ASIC2: variants seen among roughly 807,000 people sequenced by gnomAD.
The protein encoded by ASIC2 is acid-sensing ion channel 2.
A neutral mutation model predicts 57.3 loss-of-function variants in ASIC2; 25 were observed. The observed-to-expected ratio is 0.44, with a 90% CI of 0.32 to 0.61. The LOEUF is 0.61. Ranked by LOEUF, ASIC2 falls within the 20% of genes least tolerant of loss-of-function variation. The pLI, the probability that ASIC2 is intolerant of heterozygous loss-of-function variation, is 0.06. For missense variants in ASIC2, 641 were observed against 738.1 expected (o/e 0.87, Z 1.52); for synonymous variants, 319 against 307.5 (o/e 1.04, Z -0.39).
chr17:33,374,335 C>A (rs1343569839), intron 1 of ASIC2, among the ~76,000 whole-genome samples: 2 of 152,126 alleles, frequency 1.3e-5, no homozygotes, highest in Non-Finnish European at 2.9e-5. Flanking sequence ...ATTTTGGCAA[C>A]TGTCTGACCT....
intron 1 of ASIC2, among the ~76,000 whole-genome samples, chr17:34,028,177 C>T (rs1490459522): frequency 1.3e-5 from 2 of 151,924 alleles, no homozygotes; most frequent in South Asian, 2.1e-4. Context: ...TCCATTGCCC[C>T]CCAGCCTTAG....
chr17:33,496,542 C>A (rs1913935913), intron 1 of ASIC2, among the ~76,000 whole-genome samples: 1 of 148,490 alleles, frequency 6.7e-6, no homozygotes, highest in African/African-American at 2.5e-5. Flanking sequence ...ACCTTCTGAG[C>A]AGCTTCCAGT....
intron 1 of ASIC2, among the ~76,000 whole-genome samples, chr17:33,480,206 G>A (rs1597744754): frequency 1.3e-5 from 2 of 152,352 alleles, no homozygotes; most frequent in Middle Eastern, 3.4e-3. Flanking sequence ...AAGGACAAAA[G>A]TGTCATGGTT....
At chr17:34,024,326 A>C (rs1177332674) in intron 1 of ASIC2, among the ~76,000 whole-genome samples, 1 of 152,216 alleles carries the variant, frequency 6.6e-6, no homozygotes, top group African/African-American at 2.4e-5. Context: ...AGAAAGGGTT[A>C]ATTTCAGATC....
intron 3 of ASIC2, among the ~76,000 whole-genome samples, chr17:33,086,327 A>G (rs2092133744): frequency 6.6e-6 from 1 of 152,248 alleles, no homozygotes; most frequent in Non-Finnish European, 1.5e-5. Flanking sequence ...GCTGCTAATA[A>G]CAATGTAGAT....
At chr17:33,945,978 T>C (rs545082933) in intron 1 of ASIC2, among the ~76,000 whole-genome samples, 1 of 152,256 alleles carries the variant, frequency 6.6e-6, no homozygotes, top group South Asian at 2.1e-4. Context: ...TTAGGAGGCA[T>C]CCTCCAGCAT....
At chr17:33,731,514 A>C (rs1909741666) in intron 1 of ASIC2, among the ~76,000 whole-genome samples, 1 of 152,204 alleles carries the variant, frequency 6.6e-6, no homozygotes, top group African/African-American at 2.4e-5. Context: ...TGCTGCCTCC[A>C]TCTATGCTAG....
chr17:33,665,553 A>G (rs1211543040), intron 1 of ASIC2, among the ~76,000 whole-genome samples: 1 of 152,236 alleles, frequency 6.6e-6, no homozygotes, highest in East Asian at 1.9e-4. Flanking sequence ...CAAGGTTTCA[A>G]TGCAAAGCAA....
intron 1 of ASIC2, among the ~76,000 whole-genome samples, chr17:34,115,965 A>G (rs1911413607): frequency 1.3e-5 from 2 of 152,316 alleles, no homozygotes; most frequent in African/African-American, 4.8e-5. Context: ...TGAAGCCCCA[A>G]ACTAGAGACA....
chr17:33,533,880 C>T (rs1336894578), intron 1 of ASIC2: 1 of 152,166 alleles, frequency 6.6e-6, no homozygotes, highest in Admixed American at 6.5e-5. Context: ...TTTGTGGCCA[C>T]AAGGTCACAA....
At chr17:33,642,635 A>T (rs1906612910) in intron 1 of ASIC2, among the ~76,000 whole-genome samples, 1 of 152,200 alleles carries the variant, frequency 6.6e-6, no homozygotes, top group South Asian at 2.1e-4. Flanking sequence ...AGAAGTCAGG[A>T]TATCCCTTGC....
At chr17:33,510,252 CCAGA>C (rs1329764044) in intron 1 of ASIC2, among the ~76,000 whole-genome samples, 3 of 152,114 alleles carry the variant, frequency 2.0e-5, no homozygotes, top group African/African-American at 7.2e-5. Flanking sequence ...CATTTAGTTC[CCAGA>C]CAGATTCATC....
At chr17:33,977,197 A>G (rs948445557) in intron 1 of ASIC2, among the ~76,000 whole-genome samples, 1 of 151,898 alleles carries the variant, frequency 6.6e-6, no homozygotes, top group African/African-American at 2.4e-5. Flanking sequence ...TTTCCTATGG[A>G]CTGCTCTGCC....
intron 1 of ASIC2, among the ~76,000 whole-genome samples, chr17:33,427,888 T>C (rs905717625): frequency 4.6e-5 from 7 of 152,220 alleles, no homozygotes; most frequent in African/African-American, 1.7e-4. Flanking sequence ...GGCTGGGCCA[T>C]AAAACACACC....
intron 1 of ASIC2, among the ~76,000 whole-genome samples, chr17:33,708,513 A>G (rs1908928965): frequency 6.6e-6 from 1 of 152,174 alleles, no homozygotes; most frequent in African/African-American, 2.4e-5. Context: ...CACATTTTAC[A>G]AGAGCCTGTC....
chr17:33,794,449 T>G (rs544996951), intron 1 of ASIC2: 2 of 152,250 alleles, frequency 1.3e-5, no homozygotes, highest in African/African-American at 4.8e-5. Context: ...CTGGGAACCA[T>G]TGGTGAATGG....
At position 33,640,252 on chromosome 17, in the gene ASIC2, GT is replaced by G. The variant is rs1906517041; in HGVS notation, c.555+515725del. ...AAAAGCTGCCATGGGGGCTGAGGGA[GT>G]TTTGGGGGTGCAAGATATCTAGAAA... On this transcript the variant is annotated intron_variant, in intron 1 of 9. Transcript: ENST00000359872. Among the ~76,000 whole-genome samples the G allele has an allele frequency of 7.2e-5, 11 of 152,254 alleles. No individual in the cohort carries two copies. The South Asian group carries it at 2.1e-3, about 29-fold the overall frequency.
At chr17:33,974,367 T>C (rs937844076) in intron 1 of ASIC2, among the ~76,000 whole-genome samples, 2 of 152,178 alleles carry the variant, frequency 1.3e-5, no homozygotes, top group Non-Finnish European at 2.9e-5. Context: ...ATTGTGCTTA[T>C]GTGTGTGTAT....
intron 1 of ASIC2, among the ~76,000 whole-genome samples, chr17:33,799,431 T>TTTCTTTCTTTCTTTC (rs1567719055): frequency 0.036 from 796 of 22,236 alleles, 3 homozygotes; most frequent in Non-Finnish European, 0.05. Context: ...TTCTTTCTTC[T>TTTCTTTCTTTCTTTC]TTCTTTCTTT....
Sources: gnomAD v4.1 joint callset for allele counts (sites outside exome capture counted in the v4.1 genomes callset) on GRCh38, gnomAD v4.1.1 for gene constraint, MANE v1.5 for transcripts, NCBI Gene and HGNC (gene_info 2026-07-23, HGNC 2026-07-21) for gene names.